MACROD2: variants seen among roughly 807,000 people sequenced by gnomAD.
The protein encoded by MACROD2 is ADP-ribose glycohydrolase MACROD2.
In MACROD2, 36 loss-of-function variants were observed where a neutral mutation model predicts 70.4. The observed-to-expected ratio is 0.51, with a 90% confidence interval of 0.39 to 0.68. MACROD2 has a LOEUF of 0.68. MACROD2 is among the 30% of genes least tolerant of loss of function. The probability of loss-of-function intolerance (pLI) is 0.00; values close to 1 mark genes in which losing one functional copy is unlikely to be tolerated. For synonymous variants in MACROD2, 172 were observed against 178.8 expected (o/e 0.96, Z 0.30); for missense variants, 496 against 538.4 (o/e 0.92, Z 0.78).
At chr20:15,157,941 T>A (rs1165885588) in intron 5 of MACROD2, among the ~76,000 whole-genome samples, 2 of 152,138 alleles carry the variant, frequency 1.3e-5, no homozygotes, top group East Asian at 3.9e-4. Context: ...AACCTCAGGG[T>A]GCTTTATCAT....
intron 8 of MACROD2, among the ~76,000 whole-genome samples, chr20:15,792,967 ATAATCTTAAAACATGAAGCGTATCTCT>A (rs1219961215): frequency 7.9e-5 from 12 of 152,202 alleles, no homozygotes; most frequent in African/African-American, 2.4e-4. Context: ...GAAAGGCTAA[ATAATCTTAAAACATGAAGCGTATCTCT>A]TAATCTTAAA....
At chr20:15,370,137 C>T (rs1177675608) in intron 6 of MACROD2, among the ~76,000 whole-genome samples, 1 of 151,960 alleles carries the variant, frequency 6.6e-6, no homozygotes, top group Non-Finnish European at 1.5e-5. Context: ...AGATCGGAAA[C>T]CAAGAATGGA....
chr20:15,897,243 T>C (rs987985171), intron 10 of MACROD2, among the ~76,000 whole-genome samples: 3 of 152,208 alleles, frequency 2.0e-5, no homozygotes, highest in African/African-American at 7.2e-5. Flanking sequence ...CATTTTGAAG[T>C]TTTCCTGTAG....
chr20:15,011,460 C>G (rs1452412594), intron 5 of MACROD2, among the ~76,000 whole-genome samples: 7 of 152,068 alleles, frequency 4.6e-5, no homozygotes, highest in Non-Finnish European at 1.0e-4. Context: ...CCTTATTATC[C>G]ATTCAGTGTG....
At chr20:16,000,601 G>T (rs1305219620) in intron 15 of MACROD2, among the ~76,000 whole-genome samples, 1 of 152,122 alleles carries the variant, frequency 6.6e-6, no homozygotes, top group African/African-American at 2.4e-5. Context: ...TTTCCTTTAA[G>T]TACAGTTTTC....
At chr20:14,668,340 G>T (rs373187195) in intron 4 of MACROD2, among the ~76,000 whole-genome samples, 2 of 152,116 alleles carry the variant, frequency 1.3e-5, no homozygotes, top group African/African-American at 4.8e-5. Context: ...GACTGGGCCT[G>T]CATTTGGAAT....
intron 5 of MACROD2, among the ~76,000 whole-genome samples, chr20:14,947,661 T>A (rs557579868): frequency 6.6e-6 from 1 of 152,114 alleles, no homozygotes; most frequent in Non-Finnish European, 1.5e-5. Flanking sequence ...GAGTTCTGAC[T>A]CAGGAAATCT....
At chr20:14,369,222 A>G (rs2083300673) in intron 3 of MACROD2, among the ~76,000 whole-genome samples, 1 of 152,180 alleles carries the variant, frequency 6.6e-6, no homozygotes. Flanking sequence ...AGGAGTCCTC[A>G]GTTAGAGAAA....
chr20:14,823,508 A>G (rs1241566896), intron 5 of MACROD2, among the ~76,000 whole-genome samples: 1 of 152,026 alleles, frequency 6.6e-6, no homozygotes, highest in Non-Finnish European at 1.5e-5. Context: ...TCCTTAGCAC[A>G]CTCAAGGTTG....
chr20:14,999,415 T>C (rs535328530), intron 5 of MACROD2, among the ~76,000 whole-genome samples: 1 of 152,146 alleles, frequency 6.6e-6, no homozygotes, highest in Non-Finnish European at 1.5e-5. Flanking sequence ...TCCCAGCACT[T>C]TGGGAGGCTG....
At chr20:15,156,436 C>A (rs1687335157) in intron 5 of MACROD2, among the ~76,000 whole-genome samples, 1 of 152,046 alleles carries the variant, frequency 6.6e-6, no homozygotes, top group African/African-American at 2.4e-5. Context: ...CTTTGGTTTT[C>A]TTTTTAGCAA....
intron 3 of MACROD2, among the ~76,000 whole-genome samples, chr20:14,330,166 A>G (rs193008217): frequency 3.5e-4 from 54 of 152,172 alleles, no homozygotes; most frequent in African/African-American, 1.2e-3. Context: ...GAATATTGCC[A>G]GTTTTTAATA....
intron 4 of MACROD2, among the ~76,000 whole-genome samples, chr20:14,515,842 A>C (rs2123161583): frequency 6.6e-6 from 1 of 151,884 alleles, no homozygotes; most frequent in South Asian, 2.1e-4. Flanking sequence ...TGCTAAAAGA[A>C]TTGATTTTTA....
chr20:14,140,737 C>T (rs1303316190), intron 3 of MACROD2, among the ~76,000 whole-genome samples: 1 of 152,086 alleles, frequency 6.6e-6, no homozygotes. Context: ...GTTTTCCTTT[C>T]ATTGTCAAGC....
intron 3 of MACROD2, among the ~76,000 whole-genome samples, chr20:14,195,301 C>T (rs1013279756): frequency 6.6e-6 from 1 of 151,982 alleles, no homozygotes; most frequent in African/African-American, 2.4e-5. Flanking sequence ...CTCCTTGTTG[C>T]CTTGTTTTCT....
chr20:14,779,442 G>A (rs1368640181), intron 5 of MACROD2, among the ~76,000 whole-genome samples: 1 of 152,064 alleles, frequency 6.6e-6, no homozygotes, highest in Admixed American at 6.5e-5. Flanking sequence ...AAGCTGCAAA[G>A]GAGTCCCTGT....
At chr20:14,925,122 G>A (rs972517940) in intron 5 of MACROD2, among the ~76,000 whole-genome samples, 3 of 151,820 alleles carry the variant, frequency 2.0e-5, no homozygotes, top group African/African-American at 7.3e-5. Context: ...ACCAGGGGAC[G>A]ATCTCCTGTG....
At chr20:15,774,361 C>T (rs570190599) in intron 8 of MACROD2, among the ~76,000 whole-genome samples, 1 of 152,280 alleles carries the variant, frequency 6.6e-6, no homozygotes, top group African/African-American at 2.4e-5. Context: ...ACTCACTTTT[C>T]TCTCAGTGAC....
Position 15,461,006 on chromosome 20 carries a change from A to ATATATATATTTTTT in MACROD2, c.571+29572_571+29573insATATATATTTTTTT. Among the ~76,000 whole-genome samples, 288 of 66,920 alleles carry ATATATATATTTTTT rather than the reference A, an allele frequency of 4.3e-3. 3 individuals are homozygous for ATATATATATTTTTT. The highest frequency in any genetic ancestry group is 7.4e-3 in the African/African-American group (175 of 23,656). 43.9% of individuals were successfully genotyped at this position (66,920 alleles called of 152,430 possible). On this transcript the variant is annotated intron_variant, in intron 7 of 17. Coordinates refer to ENST00000684519, the MANE Select transcript of MACROD2 (RefSeq NM_001351661.2). ...TATATATATATATATATATATATAT[A>ATATATATATTTTTT]TTTTTTTTTAATAGATGGGGTCTTG...
Sources: allele counts gnomAD v4.1 joint callset (sites outside exome capture counted in the v4.1 genomes callset), GRCh38; gene constraint gnomAD v4.1.1; transcripts MANE v1.5; gene names NCBI Gene and HGNC (gene_info 2026-07-23, HGNC 2026-07-21).